MYH15: variants seen among roughly 807,000 people sequenced by gnomAD.
MYH15 encodes the protein myosin-15.
In MYH15, 227 loss-of-function variants were observed where a neutral mutation model predicts 240.5. The ratio of observed to expected loss-of-function variants is 0.94; its 90% CI spans 0.85 to 1.05. MYH15 has a LOEUF of 1.05. Among genes scored for constraint, MYH15 ranks in the 50% least tolerant of loss-of-function variants. MYH15 has a pLI of 0.00. For synonymous variants in MYH15, 785 were observed against 796.7 expected (o/e 0.99, Z 0.25); for missense variants, 2,217 against 2,247.5 (o/e 0.99, Z 0.27).
Position 108,492,228 on chromosome 3 carries a change from T to A in MYH15, c.871+272A>T, listed in dbSNP as rs11922257. Among the ~76,000 whole-genome samples, 35,715 of 89,372 alleles carry A rather than the reference T, an allele frequency of 0.4. 4,739 individuals are homozygous for A. The highest frequency in any genetic ancestry group is 0.48 in the Non-Finnish European group (20,367 of 42,708). 58.6% of individuals were successfully genotyped at this position (89,372 alleles called of 152,430 possible). ...CACACACACACACACACACACACAC[T>A]CACTCACCTCTGCTGGGCATCCTAC... On this transcript the variant is annotated intron_variant, in intron 9 of 40. Coordinates refer to ENST00000693548, the MANE Select transcript of MYH15 (RefSeq NM_014981.3).
the MYH15 span, among the ~76,000 whole-genome samples, chr3:108,548,119 T>C: frequency 3.9e-5 from 6 of 152,130 alleles, no homozygotes; most frequent in Non-Finnish European, 5.9e-5. Flanking sequence ...TGGACCTATA[T>C]AGTTGCAAGG....
intron 12 of MYH15, among the ~76,000 whole-genome samples, chr3:108,473,507 C>T (rs369117010): frequency 6.6e-6 from 1 of 152,278 alleles, no homozygotes; most frequent in Non-Finnish European, 1.5e-5. Flanking sequence ...CTCATCCTCA[C>T]CCCAGTATTT....
chr3:108,493,963 G>A (rs532066689), intron 7 of MYH15, among the ~76,000 whole-genome samples: 116 of 152,338 alleles, frequency 7.6e-4, no homozygotes, highest in African/African-American at 2.7e-3. Context: ...AAGTCATAAG[G>A]CAGGATCTAG....
intron 1 of MYH15, among the ~76,000 whole-genome samples, chr3:108,506,160 G>T (rs1354261208): frequency 2.0e-5 from 3 of 151,966 alleles, no homozygotes; most frequent in South Asian, 4.2e-4. Context: ...TTGCCCTGGT[G>T]CTTGCACCCC....
chr3:108,411,880 G>A (rs954264014), intron 30 of MYH15, among the ~76,000 whole-genome samples: 6 of 152,140 alleles, frequency 3.9e-5, no homozygotes, highest in Non-Finnish European at 8.8e-5. Flanking sequence ...AAACCCCTAT[G>A]TGCTCAGGAT....
At chr3:108,530,058 T>A (rs1056534948), upstream of MYH15, among the ~76,000 whole-genome samples, 2 of 152,180 alleles carry the variant, frequency 1.3e-5, no homozygotes, top group Non-Finnish European at 2.9e-5. Flanking sequence ...AGAAATAGTT[T>A]TTGTTCCTGC....
At chr3:108,406,485 T>A (rs1196242307) in intron 32 of MYH15, among the ~76,000 whole-genome samples, 1 of 152,178 alleles carries the variant, frequency 6.6e-6, no homozygotes, top group Non-Finnish European at 1.5e-5. Flanking sequence ...CAAAAACAAA[T>A]GCTTGGATAA....
At chr3:108,485,311 C>A (rs754276068) in intron 10 of MYH15, 82 bp from the exon 11 acceptor site, 14 of 1,512,350 alleles carry the variant, frequency 9.3e-6, no homozygotes, top group South Asian at 3.6e-5. Context: ...TGTTACACCT[C>A]GGGCTGTGGG....
intron 33 of MYH15, among the ~76,000 whole-genome samples, chr3:108,401,680 A>G (rs1450562627): frequency 1.3e-5 from 2 of 152,230 alleles, no homozygotes; most frequent in Admixed American, 6.5e-5. Context: ...ACAGAAATAC[A>G]TTCTACTTAA....
chr3:108,487,092 C>G (rs983164451), intron 9 of MYH15, among the ~76,000 whole-genome samples: 3 of 152,110 alleles, frequency 2.0e-5, no homozygotes, highest in African/African-American at 7.2e-5. Flanking sequence ...AGTGCTGCAC[C>G]CTGATATGTC....
intron 33 of MYH15, among the ~76,000 whole-genome samples, chr3:108,401,908 T>C (rs540087745): frequency 1.3e-5 from 2 of 152,300 alleles, no homozygotes; most frequent in South Asian, 4.1e-4. Context: ...ACATGATGCA[T>C]TCAGGACCAA....
At chr3:108,384,884 A>C in intron 38 of MYH15, 102 bp from the exon 39 acceptor site, 1 of 968,686 alleles carries the variant, frequency 1.0e-6, no homozygotes, top group Non-Finnish European at 1.6e-6. Flanking sequence ...ACTTTATTAA[A>C]CATCATCTCA....
chr3:108,474,353 A>C (rs987611974), intron 12 of MYH15, among the ~76,000 whole-genome samples: 3 of 151,916 alleles, frequency 2.0e-5, no homozygotes, highest in Admixed American at 6.6e-5. Context: ...GTCCTATTAT[A>C]GTAAAGGCTG....
intron 33 of MYH15, among the ~76,000 whole-genome samples, chr3:108,403,458 C>G (rs758446945): frequency 7.9e-5 from 12 of 151,138 alleles, no homozygotes; most frequent in Non-Finnish European, 1.6e-4. Flanking sequence ...CTATAACTTC[C>G]CTGGCTTATC....
Position 108,454,060 on chromosome 3 carries a change from G to C in MYH15, c.2345C>G (p.Ala782Gly). ...TCGCATCAGTTTGCCCTGTGCTCTGGCTTGGAACAATGTGAAGACTTTAGA... is the reference window on the plus strand; with the variant it reads ...TCGCATCAGTTTGCCCTGTGCTCTGCCTTGGAACAATGTGAAGACTTTAGA... ...RLSKVFTLFQARAQGKLMRIK... is the reference protein window; with the variant it reads ...RLSKVFTLFQGRAQGKLMRIK... Residue 782 changes from alanine (A) to glycine (G), a missense_variant, in exon 21 of 41, where the codon GCC becomes GGC. Ala to Gly is a moderately conservative substitution (Grantham distance 60, BLOSUM62 0). Coordinates refer to ENST00000693548, the MANE Select transcript of MYH15 (RefSeq NM_014981.3). The C allele has an allele frequency of 1.2e-6, 2 of 1,613,032 alleles. No individual in the cohort carries two copies. The highest frequency in any genetic ancestry group is 2.2e-5 in the South Asian group (2 of 90,946).
At chr3:108,449,499 T>C (rs1034122255) in intron 21 of MYH15, among the ~76,000 whole-genome samples, 1 of 152,064 alleles carries the variant, frequency 6.6e-6, no homozygotes, top group South Asian at 2.1e-4. Flanking sequence ...GGACAGTCTT[T>C]TCAATAAATG....
rs894620952 is a variant in MYH15, at chr3:108,503,290, G to T, written c.196-1435C>A. Among the ~76,000 whole-genome samples, 6 of 152,290 alleles carry T rather than the reference G, an allele frequency of 3.9e-5. No homozygotes were observed. The East Asian group carries it at 1.2e-3, about 29-fold the overall frequency. ...TGAAGGGACAGTAGTTTGTTTTGGAGAATGTGCTCAGAAGAGCAAGCCTCA... is the reference window on the plus strand; with the variant it reads ...TGAAGGGACAGTAGTTTGTTTTGGATAATGTGCTCAGAAGAGCAAGCCTCA... On this transcript the variant is annotated intron_variant, in intron 2 of 40. Coordinates refer to ENST00000693548, the MANE Select transcript of MYH15 (RefSeq NM_014981.3).
chr3:108,433,214 C>T (rs1047784676), intron 25 of MYH15, among the ~76,000 whole-genome samples: 1 of 152,230 alleles, frequency 6.6e-6, no homozygotes, highest in Non-Finnish European at 1.5e-5. Flanking sequence ...TTTGACTGCT[C>T]TGCTGGATTT....
intron 17 of MYH15, among the ~76,000 whole-genome samples, chr3:108,459,825 C>A (rs2083056130): frequency 6.6e-6 from 1 of 152,088 alleles, no homozygotes; most frequent in South Asian, 2.1e-4. Flanking sequence ...GATGGGAATT[C>A]TGGTTCAAGA....
Sources: allele counts gnomAD v4.1 joint callset (sites outside exome capture counted in the v4.1 genomes callset), GRCh38; gene constraint gnomAD v4.1.1; transcripts MANE v1.5; gene names NCBI Gene and HGNC (gene_info 2026-07-23, HGNC 2026-07-21).